Variants in PLCXD3 observed in about 807,000 individuals in gnomAD.
PLCXD3 encodes the protein phosphatidylinositol specific phospholipase C X domain containing 3.
In PLCXD3, 19 loss-of-function variants were observed where a neutral mutation model predicts 25.5. The ratio of observed to expected loss-of-function variants is 0.75; its 90% CI spans 0.52 to 1.09. The LOEUF is 1.09. PLCXD3 is among the 50% of genes least tolerant of loss of function. PLCXD3 has a pLI of 0.00. For synonymous variants in PLCXD3, 174 were observed against 137.6 expected (o/e 1.26, Z -1.85); for missense variants, 411 against 388.1 (o/e 1.06, Z -0.50).
intron 1 of PLCXD3, among the ~76,000 whole-genome samples, chr5:41,417,221 G>A (rs1210718584): frequency 6.6e-6 from 1 of 152,202 alleles, no homozygotes; most frequent in Non-Finnish European, 1.5e-5. Context: ...GTCCCAGGAA[G>A]GGAGACCTAT....
intron 2 of PLCXD3, among the ~76,000 whole-genome samples, 198 bp downstream of exon 2, chr5:41,381,628 T>C (rs1745463921): frequency 6.6e-6 from 1 of 152,090 alleles, no homozygotes; most frequent in African/African-American, 2.4e-5. Context: ...CTGCTGACAT[T>C]GATTTCAGAC....
At chr5:41,409,253 G>C (rs77469100) in intron 1 of PLCXD3, among the ~76,000 whole-genome samples, 1 of 152,088 alleles carries the variant, frequency 6.6e-6, no homozygotes, top group Non-Finnish European at 1.5e-5. Flanking sequence ...CTGGATTATC[G>C]GGAGCCTTGA....
At chr5:41,337,739 A>G (rs368078138) in intron 2 of PLCXD3, among the ~76,000 whole-genome samples, 1 of 152,172 alleles carries the variant, frequency 6.6e-6, no homozygotes, top group African/African-American at 2.4e-5. Context: ...TGCAAAGGAT[A>G]GAGAAATATG....
chr5:41,459,634 C>T (rs1426366479), intron 1 of PLCXD3, among the ~76,000 whole-genome samples: 3 of 151,692 alleles, frequency 2.0e-5, no homozygotes, highest in African/African-American at 7.3e-5. Flanking sequence ...CTCAGAACTG[C>T]CAACTAGATA....
At chr5:41,406,931 A>G (rs1007305366) in intron 1 of PLCXD3, among the ~76,000 whole-genome samples, 2 of 151,896 alleles carry the variant, frequency 1.3e-5, no homozygotes, top group Non-Finnish European at 2.9e-5. Context: ...TGTATTTAGC[A>G]TTCAACTCGC....
Position 41,310,692 on chromosome 5 carries a change from C to T in PLCXD3, c.*2925G>A, listed in dbSNP as rs1743114471. On this transcript the variant is annotated 3_prime_UTR_variant, in exon 3 of 3. Coordinates refer to ENST00000377801, the MANE Select transcript of PLCXD3 (RefSeq NM_001005473.3). Reference sequence around the variant, plus strand: ...TCAAAGGCACCTTCTCTCCATTCCCCTTTCCAAGGACTCCCTTTTAGTAAA... The same window carrying T: ...TCAAAGGCACCTTCTCTCCATTCCCTTTTCCAAGGACTCCCTTTTAGTAAA... 1 of 152,590 alleles carries T rather than the reference C, an allele frequency of 6.6e-6. No homozygotes were observed. The highest frequency in any genetic ancestry group is 1.5e-5 in the Non-Finnish European group (1 of 68,028). 9.5% of individuals were successfully genotyped at this position (152,590 alleles called of 1,614,324 possible).
At chr5:41,380,156 A>G (rs532565278) in intron 2 of PLCXD3, among the ~76,000 whole-genome samples, 14 of 151,910 alleles carry the variant, frequency 9.2e-5, no homozygotes, top group African/African-American at 3.1e-4. Context: ...CTCATGCTTT[A>G]AATTCAGCAT....
chr5:41,494,614 C>G (rs568184570), intron 1 of PLCXD3, among the ~76,000 whole-genome samples: 1 of 152,124 alleles, frequency 6.6e-6, no homozygotes, highest in African/African-American at 2.4e-5. Flanking sequence ...ATTAATAGCA[C>G]TATTTGGGTC....
At chr5:41,423,266 A>T (rs1029224173) in intron 1 of PLCXD3, among the ~76,000 whole-genome samples, 6 of 152,114 alleles carry the variant, frequency 3.9e-5, no homozygotes, top group African/African-American at 1.4e-4. Context: ...TGCTGGAAAT[A>T]TACTTTGGTC....
intron 1 of PLCXD3, among the ~76,000 whole-genome samples, chr5:41,488,083 C>T (rs1458934899): frequency 2.6e-4 from 33 of 129,228 alleles, no homozygotes; most frequent in African/African-American, 8.1e-4. Context: ...CCTCCCCCCA[C>T]GCCACAACAG....
intron 1 of PLCXD3, among the ~76,000 whole-genome samples, chr5:41,485,742 T>C (rs1482922807): frequency 1.3e-5 from 2 of 152,198 alleles, no homozygotes; most frequent in Non-Finnish European, 2.9e-5. Flanking sequence ...CCGGTATGCA[T>C]TACACATTTT....
chr5:41,332,138 C>A (rs1216912992), intron 2 of PLCXD3, among the ~76,000 whole-genome samples: 5 of 151,978 alleles, frequency 3.3e-5, no homozygotes, highest in Admixed American at 3.3e-4. Context: ...AAAGAAACTA[C>A]CATCAGAGTG....
At chr5:41,475,821 G>C in intron 1 of PLCXD3, 1 of 482,366 alleles carries the variant, frequency 2.1e-6, no homozygotes, top group Admixed American at 2.3e-5. Context: ...ACTGAATGAA[G>C]GGATGAACAT....
chr5:41,315,648 C>T (rs1743268616), intron 2 of PLCXD3, among the ~76,000 whole-genome samples: 2 of 152,130 alleles, frequency 1.3e-5, no homozygotes, highest in South Asian at 4.1e-4. Context: ...GAAAATGCCA[C>T]AGAAGAAATA....
At chr5:41,448,167 T>A (rs1198697954) in intron 1 of PLCXD3, among the ~76,000 whole-genome samples, 3 of 152,210 alleles carry the variant, frequency 2.0e-5, no homozygotes, top group Admixed American at 6.5e-5. Flanking sequence ...GTGAAATCAA[T>A]GCATCTGACA....
intron 2 of PLCXD3, among the ~76,000 whole-genome samples, chr5:41,349,787 A>G (rs150344583): frequency 6.6e-6 from 1 of 152,292 alleles, no homozygotes; most frequent in Non-Finnish European, 1.5e-5. Context: ...CAGGTCTTTA[A>G]ATTATCCTGT....
intron 2 of PLCXD3, among the ~76,000 whole-genome samples, chr5:41,325,456 T>G (rs537260919): frequency 1.3e-5 from 2 of 152,328 alleles, no homozygotes; most frequent in South Asian, 4.1e-4. Context: ...CATTATTACC[T>G]CCCAAGGAGC....
chr5:41,454,145 A>G (rs1032663525), intron 1 of PLCXD3, among the ~76,000 whole-genome samples: 1 of 151,944 alleles, frequency 6.6e-6, no homozygotes, highest in Non-Finnish European at 1.5e-5. Flanking sequence ...TCCATTCACA[A>G]CCTCAGAATG....
At chr5:41,365,829 CACTT>C (rs755829647) in intron 2 of PLCXD3, among the ~76,000 whole-genome samples, 19 of 152,108 alleles carry the variant, frequency 1.2e-4, no homozygotes, top group Non-Finnish European at 1.9e-4. Context: ...TACATCTACT[CACTT>C]GAAATATCTC....
Sources: gnomAD v4.1 joint callset for allele counts (sites outside exome capture counted in the v4.1 genomes callset) on GRCh38, gnomAD v4.1.1 for gene constraint, MANE v1.5 for transcripts, NCBI Gene and HGNC (gene_info 2026-07-23, HGNC 2026-07-21) for gene names.